Variants in SPTA1 observed in about 807,000 individuals in gnomAD.
The protein encoded by SPTA1 is spectrin alpha, erythrocytic 1, also known as spectrin alpha chain, erythrocytic 1.
SPTA1 carries 177 observed loss-of-function variants against 324.7 expected under a neutral mutation model. The ratio of observed to expected loss-of-function variants is 0.55; its 90% confidence interval spans 0.48 to 0.62. The LOEUF is 0.62. Among genes scored for constraint, SPTA1 ranks in the 20% least tolerant of loss-of-function variants. The pLI, the probability that SPTA1 is intolerant of heterozygous loss-of-function variation, is 0.00. For missense variants in SPTA1, 3,162 were observed against 2,883.6 expected (o/e 1.10, Z -2.21); for synonymous variants, 1,195 against 1,041.3 (o/e 1.15, Z -2.84).
intron 8 of SPTA1, 123 bp from the exon 9 acceptor site, chr1:158,674,798 C>T (rs1432286079): frequency 2.2e-6 from 3 of 1,334,124 alleles, no homozygotes; most frequent in Admixed American, 1.7e-5. Context: ...TCCTAGGTTC[C>T]CTTTTTCCTG....
At position 158,669,723 on chromosome 1, in the gene SPTA1, C is replaced by G; in HGVS notation, c.1663G>C (p.Ala555Pro). 6.2e-7 allele frequency: 1 copy of G among 1,614,060 alleles called. No homozygotes were observed. Among genetic ancestry groups the G allele is most frequent in the Non-Finnish European group, 8.5e-7 (1 of 1,179,984 alleles). ...CTTGGACATACCCCGTCACGGATAG[C>G]CTTGATGTTCTCTGAATCATAATGG... is the stretch of plus-strand genomic sequence containing the variant. ...DDHYDSENIK[A>P]IRDGLLARRD... The change falls in exon 13 of 52, where the codon GCT (alanine) becomes CCT (proline). Residue 555 changes from alanine to proline, a missense_variant. Ala to Pro is a conservative substitution (Grantham distance 27, BLOSUM62 -1). Transcript: ENST00000643759.
In SPTA1 at chr1:158,643,337, T is replaced by C; in HGVS notation, c.4427A>G (p.Gln1476Arg). The change falls in exon 31 of 52, where the codon CAA becomes CGA. Residue 1476 changes from glutamine (Q) to arginine (R), a missense_variant. Coordinates refer to ENST00000643759, the MANE Select transcript of SPTA1 (RefSeq NM_003126.4). ...CAGGCCTGACCTGTCTAGTACACGT[T>C]GGAGCCGCGTAGCAATCTCTTCTTT... ...YAKEEIATRL[Q>R]RVLDRWKALK... 6.2e-7 allele frequency: 1 copy of C among 1,613,910 alleles called. No individual in the cohort carries two copies. The highest frequency in any genetic ancestry group is 8.5e-7 in the Non-Finnish European group (1 of 1,179,894).
intron 43 of SPTA1, among the ~76,000 whole-genome samples, chr1:158,621,461 C>T (rs1649908161): frequency 1.3e-5 from 2 of 152,142 alleles, no homozygotes; most frequent in Non-Finnish European, 2.9e-5. Flanking sequence ...AACATGACCT[C>T]TACACAGAAA....
intron 33 of SPTA1, among the ~76,000 whole-genome samples, chr1:158,641,605 A>G (rs1251808054): frequency 2.0e-5 from 3 of 152,206 alleles, no homozygotes; most frequent in Admixed American, 6.5e-5. Context: ...CAAAACCACA[A>G]TGAGATACCA....
At position 158,661,409 on chromosome 1, in the gene SPTA1, C is replaced by A; in HGVS notation, c.2465G>T (p.Gly822Val). Residue 822 changes from glycine (G) to valine (V), a missense_variant and splice_region_variant, in exon 18 of 52, where the codon GGA (glycine) becomes GTA (valine). Physicochemically the swap from Gly to Val is moderately radical, Grantham distance 109. Coordinates refer to ENST00000643759, the MANE Select transcript of SPTA1 (RefSeq NM_003126.4). ...TEPSATSTYL[G>V]KDLIASKKLL... The stretch of plus-strand genomic sequence containing the variant: ...CTTTTTGGAAGCAATCAGGTCCTTT[C>A]CTGCAGAGGAAAGGAATTTCAAAGT... The A allele has an allele frequency of 6.2e-7, 1 of 1,613,826 alleles. No homozygotes were observed. Among genetic ancestry groups the A allele is most frequent in the Non-Finnish European group, 8.5e-7 (1 of 1,179,838 alleles).
chr1:158,657,763 T>C (rs985692923), intron 18 of SPTA1, 69 bp from the exon 19 acceptor site: 16 of 1,501,840 alleles, frequency 1.1e-5, no homozygotes, highest in Non-Finnish European at 1.4e-5. Context: ...ATCCTTTTGG[T>C]ACCTTGGAAA....
chr1:158,681,386 C>T (rs1465679404), intron 4 of SPTA1, 141 bp downstream of exon 4: 4 of 1,369,122 alleles, frequency 2.9e-6, no homozygotes, highest in Non-Finnish European at 3.1e-6. Context: ...ACATTTTGGC[C>T]CCAATTTCCT....
chr1:158,642,623 G>A lies in SPTA1; in HGVS notation c.4606-81C>T, dbSNP rs956564564. On this transcript the variant is annotated intron_variant, in intron 32 of 51. Coordinates refer to ENST00000643759, the MANE Select transcript of SPTA1 (RefSeq NM_003126.4). Reference sequence around the variant, plus strand: ...AAGGTAAATTGTATTTAAAAGGAAGGGCTAATATTTCTATCATAACTGAGG... The same window carrying A: ...AAGGTAAATTGTATTTAAAAGGAAGAGCTAATATTTCTATCATAACTGAGG... 30 of 1,590,908 alleles carry A rather than the reference G, an allele frequency of 1.9e-5. No homozygotes were observed. The Admixed American group carries it at 4.9e-4, about 26-fold the overall frequency.
intron 43 of SPTA1, among the ~76,000 whole-genome samples, chr1:158,622,463 CATT>C (rs1428868657): frequency 6.6e-6 from 1 of 152,004 alleles, no homozygotes; most frequent in East Asian, 1.9e-4. Context: ...CTTTTAGATT[CATT>C]ATCTTTTTTA....
Position 158,651,439 on chromosome 1 carries a change from C to T in SPTA1, c.3405G>A (p.Arg1135=). ...KDLNTNEPRL[R]DINKVADDLL... ...GATCATCAGCTACCTTGTTGATATC[C>T]CTTAGCCGAGGCTCATTGGTATTCA... The change falls in exon 24 of 52, where the codon AGG becomes AGA. Residue 1135 remains arginine (R), a synonymous_variant. Transcript: ENST00000643759. 2 of 1,613,744 alleles carry T rather than the reference C, an allele frequency of 1.2e-6. No individual in the cohort carries two copies. Among genetic ancestry groups the T allele is most frequent in the Non-Finnish European group, 1.7e-6 (2 of 1,179,754 alleles).
rs149263624 is a variant in SPTA1, at chr1:158,642,147, C to T, written c.4737+264G>A. Among the ~76,000 whole-genome samples the T allele has an allele frequency of 7.0e-3, 1,064 of 151,704 alleles. 19 individuals are homozygous for T. The highest frequency in any genetic ancestry group is 0.025 in the African/African-American group (1,016 of 41,296). On this transcript the variant is annotated intron_variant, in intron 33 of 51. Coordinates refer to ENST00000643759, the MANE Select transcript of SPTA1 (RefSeq NM_003126.4). Reference sequence around the variant, plus strand: ...ACACAGGAATGGGAACATCACACACCAGGGACTGTTGTGGGGTGGGGGGAG... The same window carrying T: ...ACACAGGAATGGGAACATCACACACTAGGGACTGTTGTGGGGTGGGGGGAG...
chr1:158,651,500 A>G lies in SPTA1; in HGVS notation c.3376-32T>C, dbSNP rs1421038903. Reference sequence around the variant, plus strand: ...GGGAAAATTCATCCAAAGCAGTGTAAATTCATCCAAAGCAGTGTAAATCCC... The same window carrying G: ...GGGAAAATTCATCCAAAGCAGTGTAGATTCATCCAAAGCAGTGTAAATCCC... On this transcript the variant is annotated intron_variant, in intron 23 of 51. Coordinates refer to ENST00000643759, the MANE Select transcript of SPTA1 (RefSeq NM_003126.4). 2.8e-6 allele frequency: 4 copies of G among 1,428,444 alleles called. No individual in the cohort carries two copies. In the African/African-American group the frequency reaches 5.6e-5, roughly 20 times the overall value. The allele number at this position is 1,428,444 out of a possible 1,614,324, so 88.5% of individuals were successfully genotyped here. A position where few individuals can be genotyped will look rare whatever the true frequency, so the allele number is the denominator to read the frequency against.
intron 18 of SPTA1, among the ~76,000 whole-genome samples, chr1:158,658,351 C>G (rs150355646): frequency 1.2e-3 from 180 of 152,208 alleles, no homozygotes; most frequent in African/African-American, 3.9e-3. Context: ...GAGAGATAGA[C>G]CTTTTCAGAG....
At chr1:158,623,312 A>G (rs546713164) in intron 42 of SPTA1, 120 bp from the exon 43 acceptor site, 2 of 894,156 alleles carry the variant, frequency 2.2e-6, no homozygotes, top group African/African-American at 1.6e-5. Context: ...GATGATTAAG[A>G]AAAAGGAAAT....
intron 20 of SPTA1, among the ~76,000 whole-genome samples, 159 bp from the exon 21 acceptor site, chr1:158,654,907 A>G (rs1235703734): frequency 6.6e-6 from 1 of 152,092 alleles, no homozygotes; most frequent in Non-Finnish European, 1.5e-5. Flanking sequence ...GTCTTCAGAG[A>G]GACTGCTCCA....
intron 19 of SPTA1, among the ~76,000 whole-genome samples, chr1:158,656,898 C>T (rs1173769858): frequency 6.6e-6 from 1 of 152,130 alleles, no homozygotes; most frequent in African/African-American, 2.4e-5. Flanking sequence ...TTTTTATCAA[C>T]ACAGATTATA....
chr1:158,638,450 C>T (rs1411668543), intron 35 of SPTA1, among the ~76,000 whole-genome samples: 5 of 152,166 alleles, frequency 3.3e-5, no homozygotes, highest in Non-Finnish European at 5.9e-5. Context: ...GACTACATTA[C>T]TCAAACTGTA....
chr1:158,663,079 A>G, intron 16 of SPTA1, 134 bp from the exon 17 acceptor site: 1 of 1,268,360 alleles, frequency 7.9e-7, no homozygotes, highest in East Asian at 2.5e-5. Context: ...TAATTAAATC[A>G]GTGAAATGGA....
chr1:158,667,729 G>C (rs1653712301), intron 15 of SPTA1, 129 bp downstream of exon 15: 1 of 954,280 alleles, frequency 1.0e-6, no homozygotes, highest in African/African-American at 1.7e-5. Context: ...ATAAAAGAAA[G>C]ACACATGGAA....
Sources: allele counts gnomAD v4.1 joint callset (sites outside exome capture counted in the v4.1 genomes callset), GRCh38; gene constraint gnomAD v4.1.1; transcripts MANE v1.5; gene names NCBI Gene and HGNC (gene_info 2026-07-23, HGNC 2026-07-21).